Variants in UST observed in about 807,000 individuals in gnomAD.
UST encodes the protein uronyl 2-sulfotransferase, also known as chondroitin sulfate 2-O-sulfotransferase.
A neutral mutation model predicts 45.6 loss-of-function variants in UST; 21 were observed. The observed-to-expected ratio is 0.46, with a 90% CI of 0.33 to 0.66. The LOEUF (loss-of-function observed/expected upper bound fraction) is 0.66. Among genes scored for constraint, UST ranks in the 30% least tolerant of loss-of-function variants. The probability of loss-of-function intolerance (pLI) is 0.02; values close to 1 mark genes in which losing one functional copy is unlikely to be tolerated. For missense variants in UST, 463 were observed against 512.4 expected, an observed-to-expected ratio of 0.90 and a Z score of 0.93; for synonymous variants, 215 against 200.6, an observed-to-expected ratio of 1.07 and a Z score of -0.61.
intron 1 of UST, among the ~76,000 whole-genome samples, chr6:148,832,659 A>G (rs987329279): frequency 7.9e-5 from 12 of 152,230 alleles, no homozygotes; most frequent in Admixed American, 1.3e-4. Context: ...TCAGAAGTCC[A>G]AGTAATCTTG....
chr6:149,049,659 A>T (rs1011178723), intron 7 of UST, among the ~76,000 whole-genome samples: 14 of 152,166 alleles, frequency 9.2e-5, no homozygotes, highest in African/African-American at 3.4e-4. Context: ...AGCACACAGA[A>T]TTTTTATCCC....
At chr6:148,766,520 G>A (rs1012207488) in intron 1 of UST, among the ~76,000 whole-genome samples, 4 of 152,110 alleles carry the variant, frequency 2.6e-5, no homozygotes, top group South Asian at 2.1e-4. Context: ...GATAATCACC[G>A]TATTCATGGG....
intron 7 of UST, among the ~76,000 whole-genome samples, chr6:149,069,363 T>C (rs971515798): frequency 6.6e-6 from 1 of 152,184 alleles, no homozygotes; most frequent in Admixed American, 6.5e-5. Flanking sequence ...CCACCAACAG[T>C]GTATAAGAGT....
At chr6:148,765,442 A>T (rs1776303966) in intron 1 of UST, among the ~76,000 whole-genome samples, 1 of 152,222 alleles carries the variant, frequency 6.6e-6, no homozygotes. Flanking sequence ...TGCTTTGACT[A>T]TTCAGGGTCT....
chr6:149,016,653 T>C (rs1482323265), intron 5 of UST, among the ~76,000 whole-genome samples: 1 of 152,192 alleles, frequency 6.6e-6, no homozygotes, highest in Non-Finnish European at 1.5e-5. Context: ...GCAGGTGCCA[T>C]GAGAGCCTCT....
intron 1 of UST, among the ~76,000 whole-genome samples, chr6:148,817,717 G>A (rs1215599639): frequency 2.0e-5 from 3 of 152,184 alleles, no homozygotes; most frequent in Admixed American, 6.5e-5. Context: ...CAGGTAGTAC[G>A]CTTCAGAGAT....
chr6:148,985,514 AG>A (rs1291577781), intron 5 of UST, among the ~76,000 whole-genome samples: 1 of 152,230 alleles, frequency 6.6e-6, no homozygotes. Flanking sequence ...AGAAGCTTCA[AG>A]GAAGAATATC....
At chr6:148,826,817 T>C (rs1777576062) in intron 1 of UST, among the ~76,000 whole-genome samples, 1 of 152,166 alleles carries the variant, frequency 6.6e-6, no homozygotes, top group Non-Finnish European at 1.5e-5. Context: ...ATTCCTTGGC[T>C]CATGCCCCCT....
At chr6:149,036,632 T>TCA (rs1776242953) in intron 7 of UST, among the ~76,000 whole-genome samples, 1 of 152,258 alleles carries the variant, frequency 6.6e-6, no homozygotes, top group South Asian at 2.1e-4. Context: ...GCTAGATCTG[T>TCA]CACACACATA....
chr6:149,049,927 TCTCTCACACACACACACA>T (rs896130467), intron 7 of UST, among the ~76,000 whole-genome samples: 13 of 130,538 alleles, frequency 1.0e-4, no homozygotes, highest in African/African-American at 3.1e-4. Flanking sequence ...TCTCTCTCTC[TCTCTCACACACACACACA>T]CACACACACA....
intron 7 of UST, among the ~76,000 whole-genome samples, chr6:149,043,006 TC>T (rs1200226342): frequency 2.6e-5 from 3 of 115,324 alleles, no homozygotes; most frequent in African/African-American, 8.5e-5. Flanking sequence ...TTTCTTTCTT[TC>T]TTTCTTTCTT....
intron 1 of UST, among the ~76,000 whole-genome samples, chr6:148,806,647 C>T (rs183158055): frequency 5.3e-5 from 8 of 152,300 alleles, no homozygotes; most frequent in African/African-American, 1.9e-4. Context: ...CCCCCTATGC[C>T]TTTCAAATTC....
intron 7 of UST, among the ~76,000 whole-genome samples, chr6:149,042,763 G>A (rs1458458393): frequency 6.6e-6 from 1 of 152,144 alleles, no homozygotes; most frequent in Admixed American, 6.5e-5. Context: ...TGGTTTTCAG[G>A]GAATTTTTAT....
intron 1 of UST, among the ~76,000 whole-genome samples, chr6:148,841,344 G>T (rs1406906225): frequency 3.9e-5 from 6 of 152,048 alleles, no homozygotes; most frequent in Admixed American, 3.9e-4. Flanking sequence ...TACTTAAGGA[G>T]AAAATGAATT....
intron 5 of UST, among the ~76,000 whole-genome samples, chr6:148,977,016 A>G (rs911944169): frequency 6.6e-6 from 1 of 152,054 alleles, no homozygotes; most frequent in African/African-American, 2.4e-5. Context: ...AATCTTTAAT[A>G]CTTCTGAAAT....
At chr6:148,871,762 T>G (rs553947369) in intron 1 of UST, among the ~76,000 whole-genome samples, 2 of 152,286 alleles carry the variant, frequency 1.3e-5, no homozygotes, top group South Asian at 2.1e-4. Context: ...AGAAAGAATT[T>G]CATTACATAA....
chr6:148,793,321 C>T (rs187298682), intron 1 of UST, among the ~76,000 whole-genome samples: 52 of 151,986 alleles, frequency 3.4e-4, no homozygotes, highest in Admixed American at 1.1e-3. Flanking sequence ...TTGTGAAACA[C>T]ATAAAGAAAC....
intron 3 of UST, among the ~76,000 whole-genome samples, chr6:148,950,431 G>T (rs560969485): frequency 5.3e-5 from 8 of 152,194 alleles, no homozygotes; most frequent in African/African-American, 1.4e-4. Flanking sequence ...CTGGAAAAAA[G>T]AATTTTTTCT....
intron 1 of UST, among the ~76,000 whole-genome samples, chr6:148,882,085 C>T (rs755997577): frequency 6.6e-6 from 1 of 152,114 alleles, no homozygotes; most frequent in Non-Finnish European, 1.5e-5. Context: ...CATGGGAGCA[C>T]GGTGATCTGC....
Sources: allele counts gnomAD v4.1 joint callset (sites outside exome capture counted in the v4.1 genomes callset), GRCh38; gene constraint gnomAD v4.1.1; transcripts MANE v1.5; gene names NCBI Gene and HGNC (gene_info 2026-07-23, HGNC 2026-07-21).